Variants in DENND2B observed in about 807,000 individuals in gnomAD.
The protein encoded by DENND2B is DENN domain containing 2B, also known as DENN domain-containing protein 2B.
Under a neutral mutation model 116.0 loss-of-function variants are expected in DENND2B, and 32 were observed. That is an observed-to-expected ratio of 0.28 (90% CI 0.21 to 0.37). The LOEUF is 0.37. DENND2B is among the 10% of genes least tolerant of loss of function. The pLI is 1.00. For missense variants in DENND2B, 1,276 were observed against 1,477.7 expected (o/e 0.86, Z 2.24); for synonymous variants, 588 against 583.9 (o/e 1.01, Z -0.10).
intron 1 of DENND2B, among the ~76,000 whole-genome samples, chr11:8,775,523 G>C (rs2057505108): frequency 6.6e-6 from 1 of 152,056 alleles, no homozygotes; most frequent in Admixed American, 6.5e-5. Context: ...TGACCTTCCA[G>C]ATGGCTGGGG....
chr11:8,757,816 G>T (rs928758475), intron 1 of DENND2B, among the ~76,000 whole-genome samples: 1 of 152,218 alleles, frequency 6.6e-6, no homozygotes, highest in Non-Finnish European at 1.5e-5. Context: ...GCCTGCACCA[G>T]CTCTGGGCCA....
intron 2 of DENND2B, among the ~76,000 whole-genome samples, chr11:8,862,399 G>T (rs575295348): frequency 7.5e-6 from 1 of 132,988 alleles, no homozygotes; most frequent in Non-Finnish European, 1.5e-5. Context: ...CCACAGTCTC[G>T]ACTCACTGCA....
At chr11:8,806,073 T>G (rs2060808163) in intron 1 of DENND2B, among the ~76,000 whole-genome samples, 1 of 152,030 alleles carries the variant, frequency 6.6e-6, no homozygotes, top group African/African-American at 2.4e-5. Flanking sequence ...AGGTCAGCCC[T>G]TCTCTCGATT....
chr11:8,866,885 C>T (rs1397993085), intron 2 of DENND2B, among the ~76,000 whole-genome samples: 1 of 152,044 alleles, frequency 6.6e-6, no homozygotes, highest in African/African-American at 2.4e-5. Context: ...CTATCAAAAC[C>T]CCATTCAGTA....
intron 1 of DENND2B, among the ~76,000 whole-genome samples, chr11:8,764,467 T>C (rs984455093): frequency 3.3e-5 from 5 of 152,228 alleles, no homozygotes; most frequent in African/African-American, 1.2e-4. Flanking sequence ...ATTATCTCCA[T>C]TTTATGGATG....
At chr11:8,876,152 G>A (rs2063838722), upstream of DENND2B, among the ~76,000 whole-genome samples, 2 of 152,090 alleles carry the variant, frequency 1.3e-5, no homozygotes, top group Admixed American at 1.3e-4. Context: ...TTGATAGGCT[G>A]AGACAGGAGG....
intron 1 of DENND2B, among the ~76,000 whole-genome samples, chr11:8,754,029 G>GCACGCACACACACACACA (rs1555169803): frequency 7.2e-6 from 1 of 138,734 alleles, no homozygotes; most frequent in Admixed American, 7.3e-5. Flanking sequence ...CCAAAAGCGC[G>GCACGCACACACACACACA]CACACACACA....
At chr11:8,806,204 T>A (rs924308710) in intron 1 of DENND2B, among the ~76,000 whole-genome samples, 3 of 152,120 alleles carry the variant, frequency 2.0e-5, no homozygotes, top group African/African-American at 7.2e-5. Flanking sequence ...CCTCAGTTTA[T>A]CTCATTTTTT....
intron 1 of DENND2B, among the ~76,000 whole-genome samples, chr11:8,889,928 A>G (rs1566085727): frequency 6.6e-5 from 10 of 152,204 alleles, no homozygotes. Flanking sequence ...AGATCTGACA[A>G]TGGACAGACT....
chr11:8,880,345 C>CTGTGTGTGTGTG (rs56051922), intron 2 of DENND2B, among the ~76,000 whole-genome samples: 7,208 of 120,152 alleles, frequency 0.06, 231 homozygotes, highest in East Asian at 0.12. Flanking sequence ...TCACTTTGAA[C>CTGTGTGTGTGTG]TGTGTGTGTG....
At chr11:8,829,121 CATGTGGTGTGTGTGCATAT>C (rs775788319) in intron 4 of DENND2B, among the ~76,000 whole-genome samples, 3 of 141,790 alleles carry the variant, frequency 2.1e-5, no homozygotes, top group Non-Finnish European at 4.6e-5. Context: ...TGCTTTTGTG[CATGTGGTGTGTGTGCATAT>C]GTGTGGTGTG....
At chr11:8,711,010 G>A in intron 10 of DENND2B, 96 bp from the exon 11 acceptor site, 2 of 1,566,946 alleles carry the variant, frequency 1.3e-6, no homozygotes, top group Non-Finnish European at 1.8e-6. Context: ...GGGGTGAAGG[G>A]CCAGGTTGCT....
intron 4 of DENND2B, among the ~76,000 whole-genome samples, chr11:8,829,397 G>C (rs1159640808): frequency 2.0e-5 from 3 of 152,048 alleles, no homozygotes; most frequent in African/African-American, 4.8e-5. Flanking sequence ...AAGTTATCTT[G>C]AAAATTCCCT....
Position 8,730,794 on chromosome 11 carries a change from C to G in DENND2B, c.496G>C (p.Glu166Gln), listed in dbSNP as rs1565761990. 1.9e-6 allele frequency: 3 copies of G among 1,613,082 alleles called. No individual in the cohort carries two copies. The highest frequency in any genetic ancestry group is 2.5e-6 in the Non-Finnish European group (3 of 1,179,970). ...CGACCTTCCCATGCTGATATCTTCTCCCGGATGCCCAGGCTGTGGGCGCGG... is the reference window on the plus strand; with the variant it reads ...CGACCTTCCCATGCTGATATCTTCTGCCGGATGCCCAGGCTGTGGGCGCGG... ...GTRAHSLGIREKISAWEGRRE... is the reference protein window; with the variant it reads ...GTRAHSLGIRQKISAWEGRRE... The change falls in exon 3 of 20, where the codon GAG becomes CAG. Residue 166 changes from glutamate (E) to glutamine (Q), a missense_variant. Coordinates refer to ENST00000313726, the MANE Select transcript of DENND2B (RefSeq NM_213618.2). The surrounding 1 kb of genome is among the most constrained non-coding windows in gnomAD (Gnocchi z 4.1).
At chr11:8,706,302 C>A (rs1024666918) in intron 13 of DENND2B, among the ~76,000 whole-genome samples, 1 of 152,146 alleles carries the variant, frequency 6.6e-6, no homozygotes, top group African/African-American at 2.4e-5. Flanking sequence ...TCTTATCATA[C>A]CCCTGCTTTA....
intron 1 of DENND2B, among the ~76,000 whole-genome samples, chr11:8,886,133 C>T (rs1309213232): frequency 6.6e-6 from 1 of 151,976 alleles, no homozygotes; most frequent in African/African-American, 2.4e-5. Context: ...CAAGGTCTCA[C>T]CATGTTGTCC....
chr11:8,719,002 G>A, intron 4 of DENND2B: 1 of 986,850 alleles, frequency 1.0e-6, no homozygotes, highest in Non-Finnish European at 1.2e-6. Flanking sequence ...TCCTGCTGCA[G>A]AGCAGGACTC....
At chr11:8,866,436 G>C (rs758744283) in intron 2 of DENND2B, among the ~76,000 whole-genome samples, 2 of 152,100 alleles carry the variant, frequency 1.3e-5, no homozygotes, top group Non-Finnish European at 2.9e-5. Flanking sequence ...CTCTTCTTGA[G>C]GCCCCAACTC....
rs1656740447 is a variant in DENND2B at position 8,707,973 on chromosome 11, C to G, written c.2353-119G>C. ...GGACTGCCCTTCTAGTGGAGGAAGACTTTAAGCCTCCTCTAAACCTCTCTG... is the reference window on the plus strand; with the variant it reads ...GGACTGCCCTTCTAGTGGAGGAAGAGTTTAAGCCTCCTCTAAACCTCTCTG... On this transcript the variant is annotated intron_variant, in intron 11 of 19. Coordinates refer to ENST00000313726, the MANE Select transcript of DENND2B (RefSeq NM_213618.2). This position sits in a 1 kb window ranked among gnomAD's most constrained non-coding sequence, Gnocchi z 4.8. 1 of 1,534,388 alleles carries G rather than the reference C, an allele frequency of 6.5e-7. No individual in the cohort carries two copies. The highest frequency in any genetic ancestry group is 8.7e-7 in the Non-Finnish European group (1 of 1,145,020).
Sources: allele counts gnomAD v4.1 joint callset (sites outside exome capture counted in the v4.1 genomes callset), GRCh38; gene constraint gnomAD v4.1.1; non-coding constraint Gnocchi (gnomAD v3.1); transcripts MANE v1.5; gene names NCBI Gene and HGNC (gene_info 2026-07-23, HGNC 2026-07-21).